Variants in NEIL3 observed in about 807,000 individuals in gnomAD.
The protein encoded by NEIL3 is endonuclease 8-like 3.
In NEIL3, 48 loss-of-function variants were observed where a neutral mutation model predicts 57.5. That is an observed-to-expected ratio of 0.83 (90% confidence interval 0.66 to 1.06). NEIL3 has a LOEUF of 1.06. Ranked by LOEUF, NEIL3 falls within the 50% of genes least tolerant of loss-of-function variation. The pLI is 0.00. For missense variants in NEIL3, 717 were observed against 739.1 expected (o/e 0.97, Z 0.35); for synonymous variants, 261 against 253.2 (o/e 1.03, Z -0.29).
chr4:177,310,058 G>A lies in NEIL3; in HGVS notation c.105G>A (p.Leu35=), dbSNP rs917815570. Residue 35 remains leucine, a synonymous_variant, in exon 1 of 10, where the codon CTG becomes CTA. Transcript: ENST00000264596. ...TGVRGSALRS[L]QGRALRLAAS... is the part of the protein sequence containing the mutation. The stretch of plus-strand genomic sequence containing the variant: ...TGCGGGGAAGCGCTCTGCGGAGTCT[G>A]CAGGGCCGCGCCTTGCGGCTCGCAG... 4.4e-6 allele frequency: 7 copies of A among 1,602,148 alleles called. No individual in the cohort carries two copies. The highest frequency in any genetic ancestry group is 1.7e-5 in the Admixed American group (1 of 58,446).
downstream of NEIL3, among the ~76,000 whole-genome samples, chr4:177,367,580 A>AT (rs372787130): frequency 1.3e-5 from 2 of 152,284 alleles, no homozygotes; most frequent in South Asian, 2.1e-4. Flanking sequence ...ATTGACTCCC[A>AT]CAGCAGCAGA....
At chr4:177,331,941 G>A (rs1193312459) in intron 2 of NEIL3, among the ~76,000 whole-genome samples, 1 of 152,200 alleles carries the variant, frequency 6.6e-6, no homozygotes, top group Non-Finnish European at 1.5e-5. Context: ...CTGTGTTGCT[G>A]CTCGACTCTC....
intron 6 of NEIL3, among the ~76,000 whole-genome samples, chr4:177,342,366 C>T (rs1735112135): frequency 6.6e-6 from 1 of 151,446 alleles, no homozygotes; most frequent in Non-Finnish European, 1.5e-5. Flanking sequence ...AAAGATTATG[C>T]AGTAGAAAGC....
chr4:177,346,777 G>A (rs1366936156), intron 6 of NEIL3, among the ~76,000 whole-genome samples: 3 of 152,036 alleles, frequency 2.0e-5, no homozygotes, highest in East Asian at 1.9e-4. Flanking sequence ...CTGAGAGGGA[G>A]GTTCACGAGG....
chr4:177,341,835 C>A (rs1020034920), intron 6 of NEIL3, among the ~76,000 whole-genome samples, 193 bp downstream of exon 6: 2 of 152,056 alleles, frequency 1.3e-5, no homozygotes, highest in African/African-American at 4.8e-5. Flanking sequence ...ATTTATGGAC[C>A]AGTTCTGAAT....
At chr4:177,369,682 C>G in the NEIL3 span, among the ~76,000 whole-genome samples, 2 of 152,276 alleles carry the variant, frequency 1.3e-5, no homozygotes, top group Admixed American at 1.3e-4. Flanking sequence ...TGGAGTCAGA[C>G]TGCCGGTCCC....
chr4:177,322,703 C>T, intron 2 of NEIL3, 123 bp downstream of exon 2: 4 of 1,058,790 alleles, frequency 3.8e-6, no homozygotes, highest in Non-Finnish European at 5.5e-6. Flanking sequence ...AAGAGAGCTC[C>T]AATATGAGAG....
At chr4:177,364,216 C>T (rs935521169), downstream of NEIL3, among the ~76,000 whole-genome samples, 13 of 152,162 alleles carry the variant, frequency 8.5e-5, no homozygotes, top group African/African-American at 2.9e-4. Flanking sequence ...GGGTTTCTGC[C>T]TCCTTGTGTC....
intron 8 of NEIL3, 120 bp from the exon 9 acceptor site, chr4:177,360,383 A>C (rs566846665): frequency 8.1e-6 from 5 of 613,986 alleles, no homozygotes; most frequent in Non-Finnish European, 1.4e-5. Flanking sequence ...AATGTTAACG[A>C]GGTCCACTTT....
chr4:177,310,211 C>G (rs1469552076), intron 1 of NEIL3, 102 bp downstream of exon 1: 1 of 1,283,696 alleles, frequency 7.8e-7, no homozygotes, highest in African/African-American at 1.6e-5. Context: ...TTGCTCTGGC[C>G]CAGGTTTCCT....
At chr4:177,328,259 G>C (rs1363930314) in intron 2 of NEIL3, among the ~76,000 whole-genome samples, 1 of 152,180 alleles carries the variant, frequency 6.6e-6, no homozygotes, top group Non-Finnish European at 1.5e-5. Context: ...TAACATTCTT[G>C]TAACTGTCAT....
intron 2 of NEIL3, among the ~76,000 whole-genome samples, chr4:177,324,530 C>A (rs1016829586): frequency 1.3e-5 from 2 of 152,092 alleles, no homozygotes; most frequent in African/African-American, 4.8e-5. Flanking sequence ...ACTTCTCTAC[C>A]TACTAAGTGA....
intron 6 of NEIL3, among the ~76,000 whole-genome samples, chr4:177,348,858 A>ATTTTTTTTTTTTTTTTTTTTTTTTTTTT (rs749391559): frequency 1.4e-5 from 1 of 73,736 alleles, no homozygotes; most frequent in Non-Finnish European, 2.3e-5. Context: ...TGGCTCATGA[A>ATTTTTTTTTTTTTTTTTTTTTTTTTTTT]TTTTTTTTTT....
At chr4:177,362,234 T>C in intron 9 of NEIL3, 55 bp from the exon 10 acceptor site, 1 of 1,427,786 alleles carries the variant, frequency 7.0e-7, no homozygotes, top group Middle Eastern at 1.8e-4. Flanking sequence ...AGGGTTAGCC[T>C]GTACATCATG....
In NEIL3 at chr4:177,322,363, C is replaced by T. The variant is rs918092771; in HGVS notation, c.157-96C>T. ...TTCTTCTCATTGGAATGCACCTGGG[C>T]GTGAAGTAATATAAACACATTTAAG... On this transcript the variant is annotated intron_variant, in intron 1 of 9. Transcript: ENST00000264596. The T allele has an allele frequency of 3.8e-5, 56 of 1,489,280 alleles. No homozygotes were observed. The African/African-American group carries it at 6.1e-4, about 16-fold the overall frequency. 92.3% of individuals were successfully genotyped at this position (1,489,280 alleles called of 1,614,324 possible).
rs1735401711 is a variant in NEIL3, at chr4:177,353,367, T to A, written c.1099T>A (p.Cys367Ser). The A allele has an allele frequency of 1.2e-6, 2 of 1,613,942 alleles. No individual in the cohort carries two copies. Among genetic ancestry groups the A allele is most frequent in the East Asian group, 4.5e-5 (2 of 44,856 alleles). The change falls in exon 8 of 10, where the codon TGT becomes AGT. Residue 367 changes from cysteine (C) to serine (S), a missense_variant. Coordinates refer to ENST00000264596, the MANE Select transcript of NEIL3 (RefSeq NM_018248.3). ...CTTTAGCCACTTAATGAAGTACCCGTGTAATACTTTTGGAAAACCTCATAC... is the reference window on the plus strand; with the variant it reads ...CTTTAGCCACTTAATGAAGTACCCGAGTAATACTTTTGGAAAACCTCATAC... ...TVFSHLMKYP[C>S]NTFGKPHTEV...
downstream of NEIL3, among the ~76,000 whole-genome samples, chr4:177,364,685 T>C (rs1484706489): frequency 6.6e-6 from 1 of 151,990 alleles, no homozygotes; most frequent in Non-Finnish European, 1.5e-5. Context: ...ATCCCAGCAC[T>C]GTGGGAGGCC....
chr4:177,343,262 T>C (rs1735136414), intron 6 of NEIL3: 1 of 152,176 alleles, frequency 6.6e-6, no homozygotes, highest in Non-Finnish European at 1.5e-5. Flanking sequence ...AGACATGTCT[T>C]AGGGGCTGCG....
rs764868972 is a variant in NEIL3 at position 177,360,485 on chromosome 4, T to G, written c.1461-18T>G. On this transcript the variant is annotated intron_variant, in intron 8 of 9. Coordinates refer to ENST00000264596, the MANE Select transcript of NEIL3 (RefSeq NM_018248.3). ...TAGCACTCCTATGCTGTACTTATTT[T>G]GTAACCTGTCATTACAGTGAACTTC... The G allele has an allele frequency of 1.9e-6, 3 of 1,607,634 alleles. No homozygotes were observed. Among genetic ancestry groups the G allele is most frequent in the Middle Eastern group, 1.7e-4 (1 of 6,038 alleles).
Sources: allele counts gnomAD v4.1 joint callset (sites outside exome capture counted in the v4.1 genomes callset), GRCh38; gene constraint gnomAD v4.1.1; transcripts MANE v1.5; gene names NCBI Gene and HGNC (gene_info 2026-07-23, HGNC 2026-07-21).